LHX4: variants seen among roughly 807,000 people sequenced by gnomAD.
LHX4 encodes LIM homeobox 4.
LHX4 carries 16 observed loss-of-function variants against 39.2 expected under a neutral mutation model. The ratio of observed to expected loss-of-function variants is 0.41; its 90% CI spans 0.28 to 0.62. The LOEUF (loss-of-function observed/expected upper bound fraction) is 0.62. Ranked by LOEUF, LHX4 falls within the 20% of genes least tolerant of loss-of-function variation. The pLI is 0.33. For synonymous variants in LHX4, 206 were observed against 198.1 expected (o/e 1.04, Z -0.33); for missense variants, 439 against 511.9 (o/e 0.86, Z 1.37).
chr1:180,230,308 C>A lies in LHX4; in HGVS notation c.-222C>A. On this transcript the variant is annotated 5_prime_UTR_variant, in exon 1 of 6. Transcript: ENST00000263726. The surrounding 1 kb of genome is among the most constrained non-coding windows in gnomAD (Gnocchi z 5.8). ...CTCAACCTGGGATGTGCACCAACCC[C>A]GGAGAGCGAGATCAAAGGGACTGGA... 1 of 609,406 alleles carries A rather than the reference C, an allele frequency of 1.6e-6. No individual in the cohort carries two copies. Among genetic ancestry groups the A allele is most frequent in the East Asian group, 2.8e-5 (1 of 35,830 alleles). 37.7% of individuals were successfully genotyped at this position (609,406 alleles called of 1,614,324 possible).
intron 1 of LHX4, among the ~76,000 whole-genome samples, chr1:180,243,716 G>T (rs1246881028): frequency 6.6e-6 from 1 of 151,964 alleles, no homozygotes; most frequent in Non-Finnish European, 1.5e-5. Flanking sequence ...TGGACATTAG[G>T]CATCCATCCC....
At chr1:180,255,090 C>T (rs556505213) in intron 2 of LHX4, among the ~76,000 whole-genome samples, 3 of 152,346 alleles carry the variant, frequency 2.0e-5, no homozygotes, top group East Asian at 1.9e-4. Context: ...GGGCAGGAAC[C>T]GCAGCCCTCA....
intron 2 of LHX4, among the ~76,000 whole-genome samples, chr1:180,249,603 C>T (rs1013915518): frequency 5.9e-5 from 9 of 152,256 alleles, no homozygotes; most frequent in South Asian, 2.1e-4. Context: ...GCTGTGTATT[C>T]GGAAGATGGG....
chr1:180,236,418 A>C (rs1664320728), intron 1 of LHX4, among the ~76,000 whole-genome samples: 1 of 152,180 alleles, frequency 6.6e-6, no homozygotes, highest in Admixed American at 6.5e-5. Flanking sequence ...ACAGTCAATT[A>C]GTGATTACTT....
At chr1:180,237,519 A>G (rs1414860565) in intron 1 of LHX4, among the ~76,000 whole-genome samples, 1 of 152,062 alleles carries the variant, frequency 6.6e-6, no homozygotes, top group Non-Finnish European at 1.5e-5. Context: ...GGTGAAAATG[A>G]AATGGATTCT....
intron 1 of LHX4, among the ~76,000 whole-genome samples, chr1:180,238,050 T>C (rs1460657317): frequency 6.6e-6 from 1 of 152,236 alleles, no homozygotes; most frequent in Non-Finnish European, 1.5e-5. Context: ...TACGTGACAA[T>C]ATATCACCTA....
In LHX4 at chr1:180,262,281, G is replaced by GAAAA. The variant is rs34979970; in HGVS notation, c.249-4095_249-4092dup. The stretch of plus-strand genomic sequence containing the variant: ...CTTCCTACAGAGATGACTTTGAAAG[G>GAAAA]AAAAAAAAAAAAAAAAAAAGGAAAA... On this transcript the variant is annotated intron_variant, in intron 2 of 5. Coordinates refer to ENST00000263726, the MANE Select transcript of LHX4 (RefSeq NM_033343.4). 6.2e-3 allele frequency among the ~76,000 whole-genome samples: 816 copies of GAAAA among 132,500 alleles called. 15 individuals are homozygous for GAAAA. Among genetic ancestry groups the GAAAA allele is most frequent in the African/African-American group, 0.019 (673 of 35,220 alleles). The allele number at this position is 132,500 out of a possible 152,430, so 86.9% of individuals were successfully genotyped here. A position where few individuals can be genotyped will look rare whatever the true frequency, so the allele number is the denominator to read the frequency against.
rs1415609453 is a variant in LHX4, at chr1:180,232,126, A to C, written c.76+1521A>C. ...GAGTGGGTTCTCAGCCCCTGCAAAG[A>C]CGGAAACAGAAACCCTGCAAAGGTG... On this transcript the variant is annotated intron_variant, in intron 1 of 5. Coordinates refer to ENST00000263726, the MANE Select transcript of LHX4 (RefSeq NM_033343.4). The surrounding 1 kb of genome is among the most constrained non-coding windows in gnomAD (Gnocchi z 5.4). 6.6e-6 allele frequency among the ~76,000 whole-genome samples: 1 copy of C among 152,136 alleles called. No individual in the cohort carries two copies. The highest frequency in any genetic ancestry group is 2.4e-5 in the African/African-American group (1 of 41,430).
Position 180,271,917 on chromosome 1 carries a change from G to C in LHX4, c.689G>C (p.Ser230Thr). The change falls in exon 5 of 6, where the codon AGC becomes ACC. Residue 230 changes from serine (S) to threonine (T), a missense_variant. By Grantham distance (58) the Ser-to-Thr change is moderately conservative. Transcript: ENST00000263726. ...GRHRWGQFYKSVKRSRGSSKQ... is the reference protein window; with the variant it reads ...GRHRWGQFYKTVKRSRGSSKQ... ...CACCGCTGGGGGCAGTTCTATAAGA[G>C]CGTCAAGAGGAGCCGGGGCAGCAGC... The C allele has an allele frequency of 6.2e-7, 1 of 1,613,592 alleles. No individual in the cohort carries two copies. The highest frequency in any genetic ancestry group is 8.5e-7 in the Non-Finnish European group (1 of 1,179,942).
At chr1:180,262,775 C>T (rs749151027) in intron 2 of LHX4, among the ~76,000 whole-genome samples, 3 of 151,894 alleles carry the variant, frequency 2.0e-5, no homozygotes, top group East Asian at 1.9e-4. Context: ...GCAGTTCGTT[C>T]GTTCACTCAT....
At chr1:180,233,306 G>A (rs114825598) in intron 1 of LHX4, among the ~76,000 whole-genome samples, 2,413 of 152,332 alleles carry the variant, frequency 0.016, 65 homozygotes, top group African/African-American at 0.055. Context: ...AGCAGTTCGC[G>A]CCGTAGCCCT....
At chr1:180,265,232 C>T (rs531978641) in intron 2 of LHX4, among the ~76,000 whole-genome samples, 48 of 152,310 alleles carry the variant, frequency 3.2e-4, no homozygotes, top group African/African-American at 9.6e-4. Context: ...ATCCATTAGG[C>T]GAAGTCTTTC....
chr1:180,260,174 G>A (rs1433131170), intron 2 of LHX4, among the ~76,000 whole-genome samples: 1 of 151,704 alleles, frequency 6.6e-6, no homozygotes, highest in African/African-American at 2.4e-5. Flanking sequence ...AGGGTCGGAT[G>A]AGATCACATG....
rs3041737 is a variant in LHX4 at position 180,231,554 on chromosome 1, T to TCG, written c.76+972_76+973dup. Among the ~76,000 whole-genome samples, 140 of 132,784 alleles carry TCG rather than the reference T, an allele frequency of 1.1e-3. 1 individual carries two copies. The highest frequency in any genetic ancestry group is 2.5e-3 in the Admixed American group (34 of 13,658). 87.1% of individuals were successfully genotyped at this position (132,784 alleles called of 152,430 possible). A position where few individuals can be genotyped will look rare whatever the true frequency, so the allele number is the denominator to read the frequency against. ...AGAGGCCAGAACAGGTGCCCAGTCG[T>TCG]CGCGCGCGCGCGCGCGCGCGCGCGA... On this transcript the variant is annotated intron_variant, in intron 1 of 5. Transcript: ENST00000263726.
intron 2 of LHX4, among the ~76,000 whole-genome samples, chr1:180,259,191 T>C (rs967533728): frequency 6.6e-6 from 1 of 151,656 alleles, no homozygotes; most frequent in South Asian, 2.1e-4. Flanking sequence ...AGCAGGTGTG[T>C]TGGGAGGCTT....
chr1:180,237,177 A>G (rs140106939), intron 1 of LHX4, among the ~76,000 whole-genome samples: 6 of 145,954 alleles, frequency 4.1e-5, no homozygotes, highest in African/African-American at 1.5e-4. Flanking sequence ...GAAACATGGG[A>G]TAGTGCAGGA....
At chr1:180,264,180 G>C (rs1648218935) in intron 2 of LHX4, among the ~76,000 whole-genome samples, 1 of 152,108 alleles carries the variant, frequency 6.6e-6, no homozygotes, top group Non-Finnish European at 1.5e-5. Flanking sequence ...TGCCCAGGCT[G>C]GGCTCAAGTG....
intron 2 of LHX4, among the ~76,000 whole-genome samples, chr1:180,250,424 G>C (rs1209883499): frequency 6.6e-6 from 1 of 152,196 alleles, no homozygotes; most frequent in Non-Finnish European, 1.5e-5. Flanking sequence ...GGAAGCGGCA[G>C]GTGGCAGGGC....
At chr1:180,253,598 T>G (rs934898772) in intron 2 of LHX4, among the ~76,000 whole-genome samples, 6 of 152,244 alleles carry the variant, frequency 3.9e-5, no homozygotes, top group African/African-American at 1.2e-4. Flanking sequence ...CGTTAGCAGT[T>G]TGTCAGCACA....
Sources: gnomAD v4.1 joint callset for allele counts (sites outside exome capture counted in the v4.1 genomes callset) on GRCh38, gnomAD v4.1.1 for gene constraint, Gnocchi (gnomAD v3.1) non-coding constraint, MANE v1.5 for transcripts, NCBI Gene and HGNC (gene_info 2026-07-23, HGNC 2026-07-21) for gene names.